TNRC6A: variants seen among roughly 807,000 people sequenced by gnomAD.
The protein encoded by TNRC6A is trinucleotide repeat containing adaptor 6A.
A neutral mutation model predicts 221.2 loss-of-function variants in TNRC6A; 44 were observed. The observed-to-expected ratio is 0.20, with a 90% CI of 0.16 to 0.26. The LOEUF (loss-of-function observed/expected upper bound fraction) is 0.26. Ranked by LOEUF, TNRC6A falls within the 10% of genes least tolerant of loss-of-function variation. TNRC6A has a pLI of 1.00. For missense variants in TNRC6A, 2,199 were observed against 2,404.4 expected (o/e 0.91, Z 1.79); for synonymous variants, 847 against 838.5 (o/e 1.01, Z -0.18).
chr16:24,746,479 A>G (rs1322042319), intron 2 of TNRC6A, among the ~76,000 whole-genome samples: 1 of 152,160 alleles, frequency 6.6e-6, no homozygotes, highest in Non-Finnish European at 1.5e-5. Context: ...CACTATGGAA[A>G]TCTACTCCCC....
At chr16:24,659,016 C>T (rs1210055605) in intron 2 of TNRC6A, among the ~76,000 whole-genome samples, 1 of 151,874 alleles carries the variant, frequency 6.6e-6, no homozygotes, top group East Asian at 1.9e-4. Flanking sequence ...GCCATGTTGC[C>T]CAGGCTGGTC....
At chr16:24,677,194 G>A (rs983354282) in intron 2 of TNRC6A, among the ~76,000 whole-genome samples, 10 of 135,768 alleles carry the variant, frequency 7.4e-5, no homozygotes, top group African/African-American at 1.4e-4. Context: ...ACAGAGTCTC[G>A]CTCTGTTGCC....
intron 2 of TNRC6A, among the ~76,000 whole-genome samples, chr16:24,670,635 G>T (rs2055276649): frequency 6.6e-6 from 1 of 151,936 alleles, no homozygotes; most frequent in Non-Finnish European, 1.5e-5. Context: ...TACCTGCTTG[G>T]CCCCACCTGT....
chr16:24,746,982 G>C (rs991608343), intron 2 of TNRC6A, among the ~76,000 whole-genome samples: 1 of 152,136 alleles, frequency 6.6e-6, no homozygotes, highest in Non-Finnish European at 1.5e-5. Context: ...ACCATACCCG[G>C]CCAGAAACGC....
chr16:24,777,505 G>A (rs2057751237), intron 5 of TNRC6A, 147 bp downstream of exon 5: 3 of 719,342 alleles, frequency 4.2e-6, no homozygotes, highest in Non-Finnish European at 6.7e-6. Context: ...AGTTATGAAT[G>A]GGGAATCTTA....
At chr16:24,670,443 C>T (rs1482477003) in intron 2 of TNRC6A, among the ~76,000 whole-genome samples, 1 of 152,122 alleles carries the variant, frequency 6.6e-6, no homozygotes, top group Non-Finnish European at 1.5e-5. Context: ...ATGCGTTGCA[C>T]CTTTCTGGAG....
At chr16:24,649,294 TTTTTGTTTTG>T (rs199726399) in intron 2 of TNRC6A, among the ~76,000 whole-genome samples, 5 of 151,912 alleles carry the variant, frequency 3.3e-5, no homozygotes, top group Admixed American at 6.6e-5. Context: ...TTTTCTTTGT[TTTTTGTTTTG>T]TTTTGTTTTG....
chr16:24,719,777 G>C (rs2056377736), intron 2 of TNRC6A, among the ~76,000 whole-genome samples: 1 of 151,812 alleles, frequency 6.6e-6, no homozygotes, highest in East Asian at 1.9e-4. Context: ...GGAGTTCAAG[G>C]CTGCAGTGAG....
At chr16:24,739,271 T>G (rs1156493404) in intron 2 of TNRC6A, among the ~76,000 whole-genome samples, 1 of 152,188 alleles carries the variant, frequency 6.6e-6, no homozygotes, top group Non-Finnish European at 1.5e-5. Context: ...ATTTTCCTAA[T>G]GGCTAATGAT....
At chr16:24,804,579 CT>C (rs2151980057) in intron 12 of TNRC6A, 125 bp from the exon 13 acceptor site, 2 of 1,387,208 alleles carry the variant, frequency 1.4e-6, no homozygotes, top group South Asian at 3.0e-5. Context: ...CCGATCTCTT[CT>C]GTTTTCTACC....
chr16:24,695,474 A>G (rs1487451327), intron 2 of TNRC6A, among the ~76,000 whole-genome samples: 2 of 152,094 alleles, frequency 1.3e-5, no homozygotes, highest in East Asian at 1.9e-4. Context: ...ATCTTGGCTC[A>G]CTGCAACCTC....
chr16:24,804,538 T>C, intron 12 of TNRC6A, 167 bp from the exon 13 acceptor site: 5 of 1,192,196 alleles, frequency 4.2e-6, no homozygotes, highest in Non-Finnish European at 5.8e-6. Flanking sequence ...TATGTTTGGC[T>C]CTTTTTGTGT....
intron 1 of TNRC6A, among the ~76,000 whole-genome samples, chr16:24,612,226 G>A (rs754168747): frequency 2.0e-5 from 3 of 152,188 alleles, no homozygotes; most frequent in Non-Finnish European, 4.4e-5. Flanking sequence ...CTATACCAAC[G>A]TCTGTTCGGC....
chr16:24,668,014 G>A (rs527743085), intron 2 of TNRC6A, among the ~76,000 whole-genome samples: 1 of 151,358 alleles, frequency 6.6e-6, no homozygotes, highest in African/African-American at 2.4e-5. Context: ...AACAGAGCAA[G>A]ACCCTGTGTC....
chr16:24,707,652 GA>G (rs2056122865), intron 2 of TNRC6A, among the ~76,000 whole-genome samples: 1 of 152,070 alleles, frequency 6.6e-6, no homozygotes, highest in South Asian at 2.1e-4. Flanking sequence ...CACAAAAAAA[GA>G]AATATAAATT....
At chr16:24,695,832 G>A (rs578029828) in intron 2 of TNRC6A, among the ~76,000 whole-genome samples, 2 of 152,216 alleles carry the variant, frequency 1.3e-5, no homozygotes, top group African/African-American at 4.8e-5. Context: ...CCACGTCACC[G>A]TCACCATCCC....
chr16:24,657,772 A>G (rs967457410), intron 2 of TNRC6A, among the ~76,000 whole-genome samples: 1 of 152,150 alleles, frequency 6.6e-6, no homozygotes, highest in Non-Finnish European at 1.5e-5. Context: ...GAGACTTAGA[A>G]AGCTGTAAGA....
At chr16:24,819,187 T>C (rs1248133130) in intron 21 of TNRC6A, among the ~76,000 whole-genome samples, 1 of 152,216 alleles carries the variant, frequency 6.6e-6, no homozygotes, top group Non-Finnish European at 1.5e-5. Flanking sequence ...GAAACTGTGT[T>C]GTGGTGGTCT....
At chr16:24,729,939 C>A in intron 1 of TNRC6A, 93 bp downstream of exon 1, 2 of 1,113,638 alleles carry the variant, frequency 1.8e-6, no homozygotes, top group Non-Finnish European at 2.2e-6. Context: ...GAGGCGGCGG[C>A]GCCGGGCGTC....
Sources: allele counts gnomAD v4.1 joint callset (sites outside exome capture counted in the v4.1 genomes callset), GRCh38; gene constraint gnomAD v4.1.1; transcripts MANE v1.5; gene names NCBI Gene and HGNC (gene_info 2026-07-23, HGNC 2026-07-21).